The following PTPRQ variants were observed in gnomAD, a reference collection of about 807,000 sequenced individuals.
The protein encoded by PTPRQ is phosphatidylinositol phosphatase PTPRQ.
Under a neutral mutation model 246.0 loss-of-function variants are expected in PTPRQ, and 199 were observed. The observed-to-expected ratio is 0.81, with a 90% CI of 0.72 to 0.91. The LOEUF (loss-of-function observed/expected upper bound fraction) is 0.91, where lower values mean the gene tolerates loss of function less well. Among genes scored for constraint, PTPRQ ranks in the 40% least tolerant of loss-of-function variants. The pLI, the probability that PTPRQ is intolerant of heterozygous loss-of-function variation, is 0.00. For missense variants in PTPRQ, 2,624 were observed against 2,528.4 expected (o/e 1.04, Z -0.81); for synonymous variants, 869 against 853.2 (o/e 1.02, Z -0.32).
intron 8 of PTPRQ, among the ~76,000 whole-genome samples, chr12:80,472,564 T>A (rs1893674347): frequency 6.6e-6 from 1 of 152,152 alleles, no homozygotes; most frequent in Non-Finnish European, 1.5e-5. Flanking sequence ...TTTAGTATGG[T>A]TTAACTACAT....
intron 3 of PTPRQ, among the ~76,000 whole-genome samples, chr12:80,453,173 C>T (rs1371547936): frequency 6.6e-6 from 1 of 152,174 alleles, no homozygotes; most frequent in Admixed American, 6.5e-5. Context: ...CCTGAGGCTT[C>T]TGCATTCTTC....
chr12:80,593,808 A>G (rs1419691284), intron 26 of PTPRQ: 1 of 152,148 alleles, frequency 6.6e-6, no homozygotes, highest in Non-Finnish European at 1.5e-5. Context: ...TCTGTGGTGC[A>G]CAATAGATAC....
intron 17 of PTPRQ, among the ~76,000 whole-genome samples, chr12:80,529,837 T>C (rs1325681563): frequency 6.6e-6 from 1 of 152,086 alleles, no homozygotes; most frequent in East Asian, 1.9e-4. Flanking sequence ...TTTCCTAAAT[T>C]AGAAAAAGCT....
intron 33 of PTPRQ, among the ~76,000 whole-genome samples, chr12:80,629,547 A>C (rs1899341635): frequency 6.6e-6 from 1 of 152,098 alleles, no homozygotes; most frequent in South Asian, 2.1e-4. Context: ...CTGGCTCCCT[A>C]GGAGTGAGCA....
chr12:80,529,943 T>C (rs75248248), intron 17 of PTPRQ, among the ~76,000 whole-genome samples: 2,913 of 152,280 alleles, frequency 0.019, 94 homozygotes, highest in African/African-American at 0.067. Context: ...AAACAGTCAC[T>C]GGGTTGGGAG....
intron 5 of PTPRQ, 42 bp from the exon 6 acceptor site, chr12:80,460,611 G>C (rs560232222): frequency 1.5e-5 from 6 of 398,348 alleles, no homozygotes; most frequent in Non-Finnish European, 2.2e-5. Context: ...TTCACCAAGA[G>C]ATACAACATT....
intron 17 of PTPRQ, among the ~76,000 whole-genome samples, chr12:80,532,204 T>C (rs1396511111): frequency 6.6e-6 from 1 of 151,976 alleles, no homozygotes; most frequent in African/African-American, 2.4e-5. Flanking sequence ...TAGCATAGCT[T>C]TATTTTATTT....
chr12:80,564,956 A>G (rs1278030310), intron 25 of PTPRQ, among the ~76,000 whole-genome samples: 6 of 152,192 alleles, frequency 3.9e-5, no homozygotes, highest in Non-Finnish European at 8.8e-5. Context: ...ATGTGAGTAT[A>G]TACATACTTT....
intron 27 of PTPRQ, among the ~76,000 whole-genome samples, chr12:80,607,784 T>C (rs1316058779): frequency 6.6e-6 from 1 of 150,836 alleles, no homozygotes; most frequent in African/African-American, 2.4e-5. Context: ...AATGTAAATA[T>C]CATCCTAGAT....
intron 9 of PTPRQ, among the ~76,000 whole-genome samples, chr12:80,488,411 A>C (rs1894347744): frequency 6.6e-6 from 1 of 152,074 alleles, no homozygotes; most frequent in Non-Finnish European, 1.5e-5. Context: ...ACATTATGAA[A>C]GTAACCTAAT....
chr12:80,586,287 A>G (rs1236364022), intron 25 of PTPRQ, among the ~76,000 whole-genome samples: 1 of 151,742 alleles, frequency 6.6e-6, no homozygotes, highest in Non-Finnish European at 1.5e-5. Context: ...CAAAAGACAC[A>G]TGAAAAAATG....
At chr12:80,472,530 GAAGTCAT>G (rs1462597816) in intron 8 of PTPRQ, among the ~76,000 whole-genome samples, 1 of 152,126 alleles carries the variant, frequency 6.6e-6, no homozygotes, top group Non-Finnish European at 1.5e-5. Flanking sequence ...AAAACCTCAA[GAAGTCAT>G]AAGGTAAACA....
chr12:80,587,199 T>C (rs1258195374), intron 25 of PTPRQ, among the ~76,000 whole-genome samples: 2 of 152,206 alleles, frequency 1.3e-5, no homozygotes, highest in East Asian at 3.8e-4. Flanking sequence ...AATTAATATA[T>C]CTTTAGAGAT....
intron 38 of PTPRQ, among the ~76,000 whole-genome samples, chr12:80,654,461 G>C (rs921892886): frequency 6.6e-6 from 1 of 152,058 alleles, no homozygotes; most frequent in African/African-American, 2.4e-5. Context: ...CAGACTGTTT[G>C]CTTCATGCTT....
intron 33 of PTPRQ, among the ~76,000 whole-genome samples, chr12:80,622,339 T>A (rs1899026340): frequency 6.6e-6 from 1 of 152,108 alleles, no homozygotes; most frequent in Non-Finnish European, 1.5e-5. Context: ...TACACAAACA[T>A]CTGTCATCTC....
intron 14 of PTPRQ, among the ~76,000 whole-genome samples, chr12:80,502,864 T>C (rs1894844608): frequency 6.6e-6 from 1 of 151,778 alleles, no homozygotes; most frequent in South Asian, 2.1e-4. Flanking sequence ...ATTGGAATTA[T>C]AGAGATAAAG....
intron 35 of PTPRQ, among the ~76,000 whole-genome samples, chr12:80,635,893 A>T (rs189487464): frequency 1.1e-4 from 17 of 152,284 alleles, no homozygotes; most frequent in Admixed American, 7.2e-4. Context: ...TGTTAAAATT[A>T]AAAAAATTAT....
chr12:80,668,180 C>T (rs1392190501), intron 39 of PTPRQ, among the ~76,000 whole-genome samples: 3 of 151,872 alleles, frequency 2.0e-5, no homozygotes, highest in African/African-American at 7.2e-5. Context: ...TACTTTTTAA[C>T]TTATACATTA....
At chr12:80,493,949 A>T (rs1486489229) in intron 10 of PTPRQ, among the ~76,000 whole-genome samples, 1 of 151,994 alleles carries the variant, frequency 6.6e-6, no homozygotes, top group African/African-American at 2.4e-5. Context: ...AGTGGCTCTT[A>T]CAGTTTCTAA....
Sources: gnomAD v4.1 joint callset for allele counts (sites outside exome capture counted in the v4.1 genomes callset) on GRCh38, gnomAD v4.1.1 for gene constraint, MANE v1.5 for transcripts, NCBI Gene and HGNC (gene_info 2026-07-23, HGNC 2026-07-21) for gene names.